The following SCHIP1 variants were observed in gnomAD, a reference collection of about 807,000 sequenced individuals.
SCHIP1 encodes the protein schwannomin interacting protein 1, also known as schwannomin-interacting protein 1.
Under a neutral mutation model 29.7 loss-of-function variants are expected in SCHIP1, and 8 were observed. The observed-to-expected ratio is 0.27, with a 90% CI of 0.16 to 0.49. The LOEUF is 0.49. Ranked by LOEUF, SCHIP1 falls within the 20% of genes least tolerant of loss-of-function variation. The pLI is 0.99. For synonymous variants in SCHIP1, 76 were observed against 94.9 expected (o/e 0.80, Z 1.16); for missense variants, 193 against 294.6 (o/e 0.66, Z 2.52).
At chr3:159,607,058 C>T in the SCHIP1 span, among the ~76,000 whole-genome samples, 5,334 of 152,286 alleles carry the variant, frequency 0.035, 304 homozygotes, top group African/African-American at 0.12. Context: ...ACCCTTTTCA[C>T]GGGCTAAACT....
the SCHIP1 span, among the ~76,000 whole-genome samples, chr3:159,424,989 G>T: frequency 6.6e-6 from 1 of 151,800 alleles, no homozygotes; most frequent in Non-Finnish European, 1.5e-5. Context: ...ACAAGCAAAT[G>T]CTGAGAGATT....
chr3:159,575,743 T>A, the SCHIP1 span, among the ~76,000 whole-genome samples: 12 of 152,290 alleles, frequency 7.9e-5, no homozygotes. Flanking sequence ...CCACTGTTTT[T>A]TTAATTACCT....
At chr3:159,302,854 C>A in the SCHIP1 span, among the ~76,000 whole-genome samples, 89 of 152,256 alleles carry the variant, frequency 5.8e-4, 1 homozygote, top group South Asian at 0.011. Flanking sequence ...CAAACTGAGA[C>A]CGGTGGTTAT....
At chr3:159,548,973 T>C in the SCHIP1 span, among the ~76,000 whole-genome samples, 1 of 152,128 alleles carries the variant, frequency 6.6e-6, no homozygotes, top group Non-Finnish European at 1.5e-5. Context: ...CTGGACATTG[T>C]GATTGTTATG....
At chr3:159,749,680 T>A in the SCHIP1 span, among the ~76,000 whole-genome samples, 1 of 152,344 alleles carries the variant, frequency 6.6e-6, no homozygotes, top group Non-Finnish European at 1.5e-5. Flanking sequence ...AGGTCACAAG[T>A]CATAGAGGCT....
chr3:159,567,143 T>G, the SCHIP1 span, among the ~76,000 whole-genome samples: 1 of 152,166 alleles, frequency 6.6e-6, no homozygotes. Context: ...TTATTGGCCA[T>G]TCCAGATTTC....
At chr3:159,880,097 T>C (rs1196071955) in intron 2 of SCHIP1, among the ~76,000 whole-genome samples, 1 of 152,214 alleles carries the variant, frequency 6.6e-6, no homozygotes, top group Non-Finnish European at 1.5e-5. Context: ...GCTGCCTTCA[T>C]CAGCTTCTGC....
the SCHIP1 span, among the ~76,000 whole-genome samples, chr3:159,501,687 C>T: frequency 6.6e-6 from 1 of 152,150 alleles, no homozygotes; most frequent in Non-Finnish European, 1.5e-5. Context: ...TCATACATAG[C>T]ATTTCTAAAA....
chr3:159,646,829 T>C, the SCHIP1 span, among the ~76,000 whole-genome samples: 1 of 152,058 alleles, frequency 6.6e-6, no homozygotes, highest in East Asian at 1.9e-4. Context: ...GACAGACTTC[T>C]GAAAAAGAGC....
At chr3:159,604,032 T>C in the SCHIP1 span, among the ~76,000 whole-genome samples, 18 of 152,176 alleles carry the variant, frequency 1.2e-4, no homozygotes, top group Non-Finnish European at 2.6e-4. Context: ...AAAGGTCTTT[T>C]CAACACTGCT....
At chr3:159,797,784 T>C in the SCHIP1 span, among the ~76,000 whole-genome samples, 2 of 152,130 alleles carry the variant, frequency 1.3e-5, no homozygotes, top group Non-Finnish European at 2.9e-5. Context: ...CTTTAGTTTT[T>C]ATTTGCAATT....
chr3:159,436,981 G>A, the SCHIP1 span, among the ~76,000 whole-genome samples: 18 of 152,108 alleles, frequency 1.2e-4, no homozygotes, highest in Non-Finnish European at 2.1e-4. Context: ...TCTTAGCCTT[G>A]AATTATAGAT....
At chr3:159,784,531 T>C in the SCHIP1 span, among the ~76,000 whole-genome samples, 1 of 152,200 alleles carries the variant, frequency 6.6e-6, no homozygotes, top group Non-Finnish European at 1.5e-5. Context: ...AAACATGAAA[T>C]ATTTTGTCAG....
the SCHIP1 span, among the ~76,000 whole-genome samples, chr3:159,681,123 A>G: frequency 6.6e-6 from 1 of 152,032 alleles, no homozygotes; most frequent in Non-Finnish European, 1.5e-5. Context: ...TGGTCTTGGT[A>G]TGTGTCTGTT....
the SCHIP1 span, among the ~76,000 whole-genome samples, chr3:159,398,354 C>T: frequency 1.1e-4 from 16 of 152,150 alleles, no homozygotes; most frequent in East Asian, 9.7e-4. Flanking sequence ...TCCTCCCCCT[C>T]GCCAGCACTC....
chr3:159,671,811 C>T, the SCHIP1 span, among the ~76,000 whole-genome samples: 5 of 152,080 alleles, frequency 3.3e-5, no homozygotes, highest in Non-Finnish European at 7.4e-5. Context: ...AAACCCTTGG[C>T]GTTTTAGGGG....
chr3:159,435,811 G>A, the SCHIP1 span, among the ~76,000 whole-genome samples: 1 of 152,130 alleles, frequency 6.6e-6, no homozygotes, highest in Non-Finnish European at 1.5e-5. Context: ...GCAGGTGAGA[G>A]TTTCTCTCAC....
At chr3:159,351,037 A>G in the SCHIP1 span, among the ~76,000 whole-genome samples, 2 of 152,236 alleles carry the variant, frequency 1.3e-5, no homozygotes, top group Non-Finnish European at 2.9e-5. Flanking sequence ...CAGTATTTTG[A>G]AATTCATTCT....
the SCHIP1 span, among the ~76,000 whole-genome samples, chr3:159,611,081 G>T: frequency 6.6e-6 from 1 of 152,094 alleles, no homozygotes; most frequent in African/African-American, 2.4e-5. Context: ...TAGGCGACTT[G>T]GCCATGGACT....
Sources: gnomAD v4.1 joint callset for allele counts (sites outside exome capture counted in the v4.1 genomes callset) on GRCh38, gnomAD v4.1.1 for gene constraint, MANE v1.5 for transcripts, NCBI Gene and HGNC (gene_info 2026-07-23, HGNC 2026-07-21) for gene names.